The following BICRAL variants were observed in gnomAD, a reference collection of about 807,000 sequenced individuals.
BICRAL encodes the protein BRD4-interacting chromatin-remodeling complex-associated protein-like.
BICRAL carries 8 observed loss-of-function variants against 91.8 expected under a neutral mutation model. The observed-to-expected ratio is 0.09, with a 90% CI of 0.05 to 0.16. The LOEUF is 0.16. Among genes scored for constraint, BICRAL ranks in the 10% least tolerant of loss-of-function variants. The pLI is 1.00. For synonymous variants in BICRAL, 445 were observed against 491.1 expected (o/e 0.91, Z 1.24); for missense variants, 1,038 against 1,310.9 (o/e 0.79, Z 3.21).
chr6:42,810,077 A>C (rs778500543), intron 1 of BICRAL, among the ~76,000 whole-genome samples: 1 of 152,140 alleles, frequency 6.6e-6, no homozygotes, highest in Non-Finnish European at 1.5e-5. Context: ...GTGAGCCACT[A>C]TGCCCGGCCA....
chr6:42,811,317 G>A lies in BICRAL; in HGVS notation c.-6+916G>A, dbSNP rs113747227. Reference sequence around the variant, plus strand: ...CTTCCTGAGTTGAGCTGATGTCTCTGAGAGGTTAAAATGGCCTAAGTTTGG... The same window carrying A: ...CTTCCTGAGTTGAGCTGATGTCTCTAAGAGGTTAAAATGGCCTAAGTTTGG... On this transcript the variant is annotated intron_variant, in intron 2 of 12. Transcript: ENST00000314073. Among the ~76,000 whole-genome samples the A allele has an allele frequency of 3.3e-5, 5 of 152,106 alleles. No individual in the cohort carries two copies. In the East Asian group the frequency reaches 7.7e-4, roughly 24 times the overall value.
chr6:42,799,586 A>C (rs578078616), intron 1 of BICRAL, among the ~76,000 whole-genome samples: 2 of 152,190 alleles, frequency 1.3e-5, no homozygotes, highest in South Asian at 4.1e-4. Flanking sequence ...GAGCCACTGC[A>C]CCCAGCCCAT....
intron 8 of BICRAL, 150 bp from the exon 9 acceptor site, chr6:42,855,706 T>A (rs1765330091): frequency 1.6e-6 from 1 of 608,512 alleles, no homozygotes; most frequent in African/African-American, 1.9e-5. Flanking sequence ...ACTGGTTTTT[T>A]TTTTTTTATT....
At chr6:42,846,674 G>C (rs1284415918) in intron 6 of BICRAL, among the ~76,000 whole-genome samples, 1 of 152,104 alleles carries the variant, frequency 6.6e-6, no homozygotes, top group Non-Finnish European at 1.5e-5. Context: ...GCTCAATCTG[G>C]AGCCTTTGTA....
chr6:42,845,239 TTTTTTTTTTA>T (rs1764969723), intron 6 of BICRAL, among the ~76,000 whole-genome samples: 1 of 93,798 alleles, frequency 1.1e-5, no homozygotes, highest in Non-Finnish European at 2.0e-5. Context: ...TTTTTTTTTT[TTTTTTTTTTA>T]GACAGAGTTT....
At chr6:42,812,214 C>CT (rs1456787072) in intron 2 of BICRAL, among the ~76,000 whole-genome samples, 4 of 152,132 alleles carry the variant, frequency 2.6e-5, no homozygotes, top group Non-Finnish European at 2.9e-5. Flanking sequence ...AATCCTAACA[C>CT]TTTGTGTGGC....
rs1408123176 is a variant in BICRAL, at chr6:42,866,099, T to C, written c.*653T>C. 1 of 152,368 alleles carries C rather than the reference T, an allele frequency of 6.6e-6. No homozygotes were observed. The highest frequency in any genetic ancestry group is 2.4e-5 in the African/African-American group (1 of 41,404). 9.4% of individuals were successfully genotyped at this position (152,368 alleles called of 1,614,324 possible). On this transcript the variant is annotated 3_prime_UTR_variant, in exon 13 of 13. Coordinates refer to ENST00000314073, the MANE Select transcript of BICRAL (RefSeq NM_001393499.1). ...GCAGGGCATTGCAGGGCTTCCCTAT[T>C]GATGGTTCAAGTGCTTTTCTGATGC... is the stretch of plus-strand genomic sequence containing the variant.
intron 1 of BICRAL, among the ~76,000 whole-genome samples, chr6:42,788,004 C>T (rs1170041914): frequency 6.6e-6 from 1 of 151,616 alleles, no homozygotes; most frequent in East Asian, 1.9e-4. Flanking sequence ...AAGTGATCCT[C>T]CTACCTCAGC....
At chr6:42,752,365 C>T (rs1411959297) in intron 1 of BICRAL, among the ~76,000 whole-genome samples, 1 of 152,220 alleles carries the variant, frequency 6.6e-6, no homozygotes, top group Non-Finnish European at 1.5e-5. Flanking sequence ...GGCCCTAAGA[C>T]TGCCAAGGTG....
intron 1 of BICRAL, among the ~76,000 whole-genome samples, chr6:42,788,917 C>T (rs1186566210): frequency 1.3e-5 from 2 of 151,928 alleles, no homozygotes; most frequent in East Asian, 3.9e-4. Context: ...TAGCAACATT[C>T]AGCTGTTATG....
chr6:42,770,718 T>G (rs1200602871), intron 1 of BICRAL, among the ~76,000 whole-genome samples: 1 of 141,654 alleles, frequency 7.1e-6, no homozygotes, highest in Non-Finnish European at 1.5e-5. Context: ...ACCCGGTCAG[T>G]GTTTTTGTTT....
intron 6 of BICRAL, among the ~76,000 whole-genome samples, chr6:42,836,376 G>A: frequency 6.6e-6 from 1 of 152,038 alleles, no homozygotes; most frequent in East Asian, 1.9e-4. Flanking sequence ...TACACTAGCA[G>A]CTTCAAAGCA....
chr6:42,779,160 T>C (rs1468956947), upstream of BICRAL, among the ~76,000 whole-genome samples: 1 of 148,908 alleles, frequency 6.7e-6, no homozygotes, highest in Non-Finnish European at 1.5e-5. Flanking sequence ...CAGGCTATAG[T>C]GAGATATGAT....
chr6:42,858,280 C>CCTCA (rs1485529119), intron 10 of BICRAL, among the ~76,000 whole-genome samples: 1 of 151,024 alleles, frequency 6.6e-6, no homozygotes, highest in African/African-American at 2.4e-5. Context: ...CTTTGGGAGG[C>CCTCA]TGAGGCAGGC....
chr6:42,802,490 C>T (rs889125263), intron 1 of BICRAL, among the ~76,000 whole-genome samples: 2 of 151,622 alleles, frequency 1.3e-5, no homozygotes, highest in African/African-American at 4.9e-5. Context: ...CCCTTGTTGC[C>T]CAGGCTGGAG....
intron 1 of BICRAL, among the ~76,000 whole-genome samples, chr6:42,786,644 TG>T (rs1366097144): frequency 3.3e-5 from 5 of 152,138 alleles, no homozygotes; most frequent in Non-Finnish European, 7.4e-5. Flanking sequence ...AAATATTAAG[TG>T]GCTGGTGGAT....
At chr6:42,751,447 A>G (rs1762379192) in intron 1 of BICRAL, among the ~76,000 whole-genome samples, 1 of 152,070 alleles carries the variant, frequency 6.6e-6, no homozygotes, top group Non-Finnish European at 1.5e-5. Context: ...TGATCTTTTA[A>G]TGTTACAAAG....
At chr6:42,852,025 T>G (rs1582873530) in intron 6 of BICRAL, 67 bp from the exon 7 acceptor site, 1 of 942,384 alleles carries the variant, frequency 1.1e-6, no homozygotes, top group South Asian at 1.5e-5. Flanking sequence ...GCTTGGTTGG[T>G]ATTTAAAATA....
At position 42,822,949 on chromosome 6, in the gene BICRAL, G is replaced by C; in HGVS notation, c.105G>C (p.Leu35Phe). The change falls in exon 5 of 13, where the codon TTG (leucine) becomes TTC (phenylalanine). Residue 35 changes from leucine to phenylalanine, a missense_variant. Around this residue, in one of 5 missense-constraint regions of BICRAL, gnomAD observed 115 missense variants for 121.5 expected, o/e 0.95. Transcript: ENST00000314073. ...GPSNKSSNDD[L>F]TNAGYSAANS... Reference sequence around the variant, plus strand: ...TATCTTTGCAGAGCAATGATGACTTGACTAATGCAGGATATTCTGCAGCCA... The same window carrying C: ...TATCTTTGCAGAGCAATGATGACTTCACTAATGCAGGATATTCTGCAGCCA... The C allele has an allele frequency of 6.2e-7, 1 of 1,610,908 alleles. No individual in the cohort carries two copies. The highest frequency in any genetic ancestry group is 8.5e-7 in the Non-Finnish European group (1 of 1,177,284).
Sources: gnomAD v4.1 joint callset for allele counts (sites outside exome capture counted in the v4.1 genomes callset) on GRCh38, gnomAD v4.1.1 for gene constraint, gnomAD v4.1.1 regional missense constraint, MANE v1.5 for transcripts, NCBI Gene and HGNC (gene_info 2026-07-23, HGNC 2026-07-21) for gene names.